Variants in ST6GALNAC3 observed in about 807,000 individuals in gnomAD.
The protein encoded by ST6GALNAC3 is alpha-N-acetylgalactosaminide alpha-2,6-sialyltransferase 3.
ST6GALNAC3 carries 25 observed loss-of-function variants against 32.7 expected under a neutral mutation model. The ratio of observed to expected loss-of-function variants is 0.76; its 90% CI spans 0.56 to 1.07. ST6GALNAC3 has a LOEUF of 1.07. Among genes scored for constraint, ST6GALNAC3 ranks in the 50% least tolerant of loss-of-function variants. ST6GALNAC3 has a pLI of 0.00. For synonymous variants in ST6GALNAC3, 129 were observed against 133.1 expected (o/e 0.97, Z 0.21); for missense variants, 355 against 382.4 (o/e 0.93, Z 0.60).
At chr1:76,250,853 C>T (rs1657567869) in intron 1 of ST6GALNAC3, among the ~76,000 whole-genome samples, 1 of 152,136 alleles carries the variant, frequency 6.6e-6, no homozygotes, top group Admixed American at 6.5e-5. Flanking sequence ...TTTCTGTTCA[C>T]TCCTTGACTT....
intron 1 of ST6GALNAC3, among the ~76,000 whole-genome samples, chr1:76,084,688 A>G (rs1432960750): frequency 1.3e-5 from 2 of 152,188 alleles, no homozygotes; most frequent in Admixed American, 6.5e-5. Flanking sequence ...CATATGGCCA[A>G]TGGTGCTTAG....
intron 3 of ST6GALNAC3, among the ~76,000 whole-genome samples, chr1:76,497,063 A>G (rs1161367745): frequency 6.6e-6 from 1 of 152,206 alleles, no homozygotes; most frequent in African/African-American, 2.4e-5. Context: ...GATCCTTGCC[A>G]AAGGTGCCAG....
chr1:76,149,522 A>C (rs1650906149), intron 1 of ST6GALNAC3, among the ~76,000 whole-genome samples: 1 of 152,194 alleles, frequency 6.6e-6, no homozygotes, highest in Non-Finnish European at 1.5e-5. Context: ...TCTGGTGTAC[A>C]ACATGATATA....
intron 1 of ST6GALNAC3, among the ~76,000 whole-genome samples, chr1:76,282,757 A>G (rs552601904): frequency 1.3e-5 from 2 of 152,102 alleles, no homozygotes; most frequent in Non-Finnish European, 2.9e-5. Context: ...AGCCAGATGC[A>G]GTGGCTCACA....
chr1:76,201,758 C>T (rs975542188), intron 1 of ST6GALNAC3, among the ~76,000 whole-genome samples: 1 of 151,996 alleles, frequency 6.6e-6, no homozygotes, highest in African/African-American at 2.4e-5. Flanking sequence ...AAATCGCAGG[C>T]CTCTGCAGAA....
intron 1 of ST6GALNAC3, among the ~76,000 whole-genome samples, chr1:76,234,237 A>C (rs1457131654): frequency 1.3e-5 from 2 of 151,540 alleles, no homozygotes; most frequent in African/African-American, 4.9e-5. Context: ...ATTTCTCTGT[A>C]CCCTCCCCCG....
chr1:76,561,374 A>C (rs1665232994), intron 3 of ST6GALNAC3, among the ~76,000 whole-genome samples: 1 of 152,184 alleles, frequency 6.6e-6, no homozygotes, highest in African/African-American at 2.4e-5. Context: ...AGAATGGGAG[A>C]ATATATTTGC....
intron 1 of ST6GALNAC3, among the ~76,000 whole-genome samples, chr1:76,124,547 A>G (rs1162530057): frequency 6.6e-6 from 1 of 152,152 alleles, no homozygotes; most frequent in Admixed American, 6.5e-5. Flanking sequence ...CCTAACAGGG[A>G]ACTGGCTCTG....
intron 3 of ST6GALNAC3, among the ~76,000 whole-genome samples, chr1:76,579,088 T>C (rs1462099470): frequency 6.6e-6 from 1 of 152,036 alleles, no homozygotes; most frequent in Non-Finnish European, 1.5e-5. Flanking sequence ...CACTGGAAAA[T>C]CTGAAAGAAT....
At chr1:76,111,646 G>C (rs1243019907) in intron 1 of ST6GALNAC3, among the ~76,000 whole-genome samples, 3 of 149,498 alleles carry the variant, frequency 2.0e-5, no homozygotes, top group Non-Finnish European at 4.4e-5. Flanking sequence ...GACTCTTAAC[G>C]AGCATGCTGC....
chr1:76,311,507 A>T (rs1408084360), intron 1 of ST6GALNAC3, among the ~76,000 whole-genome samples: 1 of 151,940 alleles, frequency 6.6e-6, no homozygotes, highest in Non-Finnish European at 1.5e-5. Context: ...TTCAACTCCC[A>T]CTTATGAGTG....
At position 76,540,250 on chromosome 1, in the gene ST6GALNAC3, A is replaced by T. The variant is rs180901781; in HGVS notation, c.624-87202A>T. Among the ~76,000 whole-genome samples the T allele has an allele frequency of 7.2e-4, 109 of 152,198 alleles. No homozygotes were observed. In the Middle Eastern group the frequency reaches 0.01, roughly 14 times the overall value. On this transcript the variant is annotated intron_variant, in intron 3 of 4. Coordinates refer to ENST00000328299, the MANE Select transcript of ST6GALNAC3 (RefSeq NM_152996.4). Reference sequence around the variant, plus strand: ...AAGCCTTCATCTCCAGCAAACTAACACAGGAACAGAAAACCAAACACCACA... The same window carrying T: ...AAGCCTTCATCTCCAGCAAACTAACTCAGGAACAGAAAACCAAACACCACA...
intron 2 of ST6GALNAC3, among the ~76,000 whole-genome samples, chr1:76,316,179 GGGAGTAAAAATTGTAATACCCACTTT>G (rs1646862221): frequency 6.6e-6 from 1 of 152,100 alleles, no homozygotes. Context: ...TACTTGTAGT[GGGAGTAAAAATTGTAATACCCACTTT>G]GGAAAAAACA....
chr1:76,419,516 C>G (rs1654879837), intron 3 of ST6GALNAC3, among the ~76,000 whole-genome samples: 1 of 152,092 alleles, frequency 6.6e-6, no homozygotes, highest in African/African-American at 2.4e-5. Context: ...TTCTCTCTTA[C>G]AATTATTTCT....
intron 3 of ST6GALNAC3, among the ~76,000 whole-genome samples, chr1:76,622,097 A>C (rs1310378511): frequency 2.0e-5 from 3 of 151,970 alleles, no homozygotes; most frequent in Non-Finnish European, 4.4e-5. Flanking sequence ...GTTAGCTTTG[A>C]GTGCCTGAGG....
In ST6GALNAC3 at chr1:76,412,120, A is replaced by G. The variant is rs757986107; in HGVS notation, c.326A>G (p.Asn109Ser). 2.5e-6 allele frequency: 4 copies of G among 1,613,732 alleles called. No individual in the cohort carries two copies. The highest frequency in any genetic ancestry group is 4.5e-5 in the East Asian group (2 of 44,852). Residue 109 changes from asparagine (N) to serine (S), a missense_variant, in exon 3 of 5, where the codon AAT (asparagine) becomes AGT (serine). Asn to Ser is a conservative substitution (Grantham distance 46). Transcript: ENST00000328299. ...TCCTCCTGCATTTGGAGAATGAACA[A>G]TGCCCCCACCAAAGGTTATGAAGAA... ...DRSSCIWRMNNAPTKGYEEDV... is the reference protein window; with the variant it reads ...DRSSCIWRMNSAPTKGYEEDV...
chr1:76,125,607 A>G (rs1278356854), intron 1 of ST6GALNAC3, among the ~76,000 whole-genome samples: 1 of 152,202 alleles, frequency 6.6e-6, no homozygotes, highest in Non-Finnish European at 1.5e-5. Flanking sequence ...ATCCTGTTTT[A>G]GTATCTAGAA....
At chr1:76,579,405 T>C (rs1646859671) in intron 3 of ST6GALNAC3, among the ~76,000 whole-genome samples, 1 of 151,962 alleles carries the variant, frequency 6.6e-6, no homozygotes, top group Admixed American at 6.6e-5. Flanking sequence ...TTTCCTAAGA[T>C]AAAAACATAG....
At chr1:76,635,431 A>G (rs1387360070), downstream of ST6GALNAC3, among the ~76,000 whole-genome samples, 1 of 152,176 alleles carries the variant, frequency 6.6e-6, no homozygotes, top group Admixed American at 6.5e-5. Context: ...AGTTCCCCCA[A>G]TACTTTATGA....
Sources: gnomAD v4.1 joint callset for allele counts (sites outside exome capture counted in the v4.1 genomes callset) on GRCh38, gnomAD v4.1.1 for gene constraint, MANE v1.5 for transcripts, NCBI Gene and HGNC (gene_info 2026-07-23, HGNC 2026-07-21) for gene names.